DAAM2: variants seen among roughly 807,000 people sequenced by gnomAD.
DAAM2 encodes dishevelled associated activator of morphogenesis 2, also known as disheveled-associated activator of morphogenesis 2.
DAAM2 carries 39 observed loss-of-function variants against 120.7 expected under a neutral mutation model. That is an observed-to-expected ratio of 0.32 (90% CI 0.25 to 0.42). The LOEUF is 0.42. Ranked by LOEUF, DAAM2 falls within the 10% of genes least tolerant of loss-of-function variation. The probability of loss-of-function intolerance (pLI) is 1.00; values close to 1 mark genes in which losing one functional copy is unlikely to be tolerated. For synonymous variants in DAAM2, 488 were observed against 524.9 expected (o/e 0.93, Z 0.96); for missense variants, 1,283 against 1,401.7 (o/e 0.92, Z 1.35).
At chr6:39,891,570 C>T (rs528249418) in intron 18 of DAAM2, 64 bp from the exon 19 acceptor site, 205 of 1,541,246 alleles carry the variant, frequency 1.3e-4, no homozygotes, top group Admixed American at 3.4e-4. Context: ...GAGCTGGCTC[C>T]GGGAGCTGGG....
In DAAM2 at chr6:39,886,832, C is replaced by T. The variant is rs1349931846; in HGVS notation, c.1954-654C>T. The stretch of plus-strand genomic sequence containing the variant: ...GGGACCTCCCAGAGGAAGAACAGCA[C>T]ACTAGACAGCCTCCTGTCTACCTCG... On this transcript the variant is annotated intron_variant, in intron 15 of 24. Transcript: ENST00000274867. 4.1e-5 allele frequency: 8 copies of T among 193,832 alleles called. No homozygotes were observed. The South Asian group carries it at 5.8e-4, about 14-fold the overall frequency. The allele number at this position is 193,832 out of a possible 1,614,324, so 12.0% of individuals were successfully genotyped here. A position where few individuals can be genotyped will look rare whatever the true frequency, so the allele number is the denominator to read the frequency against.
chr6:39,904,697 T>G lies in DAAM2; in HGVS notation c.*2660T>G, dbSNP rs1766718857. ...CCAACTGGGGAACTGTGACTATCTA[T>G]CTCCCCCGACTTCTACCAGGGATGC... On this transcript the variant is annotated 3_prime_UTR_variant, in exon 25 of 25. Transcript: ENST00000274867. 2.2e-6 allele frequency: 1 copy of G among 453,304 alleles called. No homozygotes were observed. Among genetic ancestry groups the G allele is most frequent in the Non-Finnish European group, 4.4e-6 (1 of 226,718 alleles). 28.1% of individuals were successfully genotyped at this position (453,304 alleles called of 1,614,324 possible). A position where few individuals can be genotyped will look rare whatever the true frequency, so the allele number is the denominator to read the frequency against.
chr6:39,815,971 T>G (rs1232498470), intron 1 of DAAM2, among the ~76,000 whole-genome samples: 2 of 152,180 alleles, frequency 1.3e-5, no homozygotes, highest in African/African-American at 4.8e-5. Context: ...CAAAGACAAC[T>G]TCTAAAGAAT....
At chr6:39,843,100 AT>A (rs1398183089) in intron 1 of DAAM2, among the ~76,000 whole-genome samples, 1 of 152,126 alleles carries the variant, frequency 6.6e-6, no homozygotes, top group Non-Finnish European at 1.5e-5. Flanking sequence ...TAAAAACTTT[AT>A]TTTTTAAATT....
intron 4 of DAAM2, among the ~76,000 whole-genome samples, chr6:39,864,762 G>A (rs1764356072): frequency 6.6e-6 from 1 of 152,130 alleles, no homozygotes; most frequent in Non-Finnish European, 1.5e-5. Context: ...CACAAACTTG[G>A]GAAATAAACC....
At position 39,843,564 on chromosome 6, in the gene DAAM2, C is replaced by T. The variant is rs537967751; in HGVS notation, c.-56-12683C>T. ...TGGGCAGGGCCAGCTGCATGATTTGCGGGCCCAGCACAAAATGAAAATGCA... is the reference window on the plus strand; with the variant it reads ...TGGGCAGGGCCAGCTGCATGATTTGTGGGCCCAGCACAAAATGAAAATGCA... On this transcript the variant is annotated intron_variant, in intron 1 of 24. Coordinates refer to ENST00000274867, the MANE Select transcript of DAAM2 (RefSeq NM_001201427.2). Among the ~76,000 whole-genome samples, 21 of 152,282 alleles carry T rather than the reference C, an allele frequency of 1.4e-4. No individual in the cohort carries two copies. The South Asian group carries it at 3.1e-3, about 23-fold the overall frequency.
At position 39,870,199 on chromosome 6, in the gene DAAM2, T is replaced by C; in HGVS notation, c.874-141T>C. ...AGGTCTCCATTCTTTCTTGGAACTC[T>C]GGGATTGGAAGCAGCTCCAGGTGAG... On this transcript the variant is annotated intron_variant, in intron 7 of 24. Coordinates refer to ENST00000274867, the MANE Select transcript of DAAM2 (RefSeq NM_001201427.2). 4 of 622,998 alleles carry C rather than the reference T, an allele frequency of 6.4e-6. No homozygotes were observed. The South Asian group carries it at 7.7e-5, about 12-fold the overall frequency. The allele number at this position is 622,998 out of a possible 1,614,324, so 38.6% of individuals were successfully genotyped here.
chr6:39,887,626 C>CT, intron 16 of DAAM2, 34 bp downstream of exon 16: 1 of 1,484,462 alleles, frequency 6.7e-7, no homozygotes, highest in Non-Finnish European at 9.4e-7. Flanking sequence ...AGTTGGATGC[C>CT]TGGGGGACAA....
At chr6:39,881,568 T>G (rs1026717234) in intron 14 of DAAM2, among the ~76,000 whole-genome samples, 2 of 151,810 alleles carry the variant, frequency 1.3e-5, no homozygotes, top group African/African-American at 4.8e-5. Context: ...AATACAAAAA[T>G]TAGCAGGGTG....
chr6:39,865,128 C>T lies in DAAM2; in HGVS notation c.428+54C>T, dbSNP rs370072007. 1,006 of 1,074,262 alleles carry T rather than the reference C, an allele frequency of 9.4e-4. 15 individuals are homozygous for T. In the South Asian group the frequency reaches 0.013, roughly 14 times the overall value. 66.5% of individuals were successfully genotyped at this position (1,074,262 alleles called of 1,614,324 possible). On this transcript the variant is annotated intron_variant, in intron 5 of 24. Coordinates refer to ENST00000274867, the MANE Select transcript of DAAM2 (RefSeq NM_001201427.2). ...GCTGAGTCCCTTCACAGTTGGTCTC[C>T]TTGCCTTCCCGAAGCCCTGTGCAGT...
In DAAM2 at chr6:39,878,290, C is replaced by T; in HGVS notation, c.1360+29C>T. ...AGGGGCTCTGCTTAAGCCTGCTGTC[C>T]ACTCCACATGCCCTTCCCCTGCCCA... On this transcript the variant is annotated intron_variant, in intron 12 of 24. Coordinates refer to ENST00000274867, the MANE Select transcript of DAAM2 (RefSeq NM_001201427.2). This position sits in a 1 kb window ranked among gnomAD's most constrained non-coding sequence, Gnocchi z 5.0. 6.2e-7 allele frequency: 1 copy of T among 1,613,386 alleles called. No individual in the cohort carries two copies. Among genetic ancestry groups the T allele is most frequent in the Non-Finnish European group, 8.5e-7 (1 of 1,179,480 alleles).
intron 1 of DAAM2, chr6:39,818,977 T>G (rs1316386507): frequency 2.0e-5 from 3 of 152,200 alleles, no homozygotes; most frequent in African/African-American, 4.8e-5. Flanking sequence ...ACACCCTTTT[T>G]CAGTGATGCC....
chr6:39,826,568 TC>T (rs1762681078), intron 1 of DAAM2, among the ~76,000 whole-genome samples: 1 of 152,172 alleles, frequency 6.6e-6, no homozygotes, highest in South Asian at 2.1e-4. Flanking sequence ...GGAGAACATA[TC>T]CAATTTGCCT....
chr6:39,847,606 C>G (rs1763647250), intron 1 of DAAM2, among the ~76,000 whole-genome samples: 1 of 152,070 alleles, frequency 6.6e-6, no homozygotes, highest in East Asian at 1.9e-4. Flanking sequence ...ATAGTCAGCC[C>G]AGGTCCTTGC....
At chr6:39,879,592 G>A in intron 14 of DAAM2, 115 bp downstream of exon 14, 1 of 1,399,396 alleles carries the variant, frequency 7.1e-7, no homozygotes, top group Non-Finnish European at 1.0e-6. Flanking sequence ...CTTTGGTGGG[G>A]GGTAAGGGCA....
intron 1 of DAAM2, among the ~76,000 whole-genome samples, chr6:39,804,598 G>A (rs1036535362): frequency 6.6e-6 from 1 of 151,790 alleles, no homozygotes; most frequent in African/African-American, 2.4e-5. Context: ...AAGAATAAAA[G>A]GGATCAACTT....
rs1412872811 is a variant in DAAM2, at chr6:39,868,838, C to T, written c.778C>T (p.Leu260=). 1 of 1,580,790 alleles carries T rather than the reference C, an allele frequency of 6.3e-7. No individual in the cohort carries two copies. The highest frequency in any genetic ancestry group is 1.3e-5 in the African/African-American group (1 of 74,076). Residue 260 remains leucine (L), a synonymous_variant, in exon 7 of 25, where the codon CTA becomes TTA. Coordinates refer to ENST00000274867, the MANE Select transcript of DAAM2 (RefSeq NM_001201427.2). The part of the protein sequence containing the change: ...RTRFQTLLNE[L]DRSLGRYRDE... ...TTCCACCTAGACCCTGCTGAACGAG[C>T]TAGACCGAAGTCTGGGCCGGTACCG... is the stretch of plus-strand genomic sequence containing the variant.
At chr6:39,870,701 G>A (rs1325453149) in intron 8 of DAAM2, among the ~76,000 whole-genome samples, 3 of 152,222 alleles carry the variant, frequency 2.0e-5, no homozygotes, top group Non-Finnish European at 4.4e-5. Flanking sequence ...TGGGGGGCAT[G>A]TGGAAATATA....
intron 20 of DAAM2, 97 bp downstream of exon 20, chr6:39,897,077 C>T: frequency 1.3e-6 from 2 of 1,512,680 alleles, no homozygotes; most frequent in Admixed American, 3.5e-5. Flanking sequence ...CATCCTAAGA[C>T]TCATCACCCC....
Sources: allele counts gnomAD v4.1 joint callset (sites outside exome capture counted in the v4.1 genomes callset), GRCh38; gene constraint gnomAD v4.1.1; non-coding constraint Gnocchi (gnomAD v3.1); transcripts MANE v1.5; gene names NCBI Gene and HGNC (gene_info 2026-07-23, HGNC 2026-07-21).